Variants in FOXO1 observed in about 807,000 individuals in gnomAD.
The protein encoded by FOXO1 is forkhead box protein O1.
FOXO1 carries 6 observed loss-of-function variants against 44.1 expected under a neutral mutation model. The observed-to-expected ratio is 0.14, with a 90% CI of 0.07 to 0.27. The LOEUF is 0.27. Ranked by LOEUF, FOXO1 falls within the 10% of genes least tolerant of loss-of-function variation. The probability of loss-of-function intolerance (pLI) is 1.00; values close to 1 mark genes in which losing one functional copy is unlikely to be tolerated. For synonymous variants in FOXO1, 380 were observed against 362.7 expected (o/e 1.05, Z -0.54); for missense variants, 737 against 888.8 (o/e 0.83, Z 2.17).
chr13:40,616,257 G>C (rs1022755255), intron 1 of FOXO1, among the ~76,000 whole-genome samples: 1 of 151,982 alleles, frequency 6.6e-6, no homozygotes, highest in African/African-American at 2.4e-5. Context: ...GGGAATGATA[G>C]TAAGGAGGAT....
intron 1 of FOXO1, among the ~76,000 whole-genome samples, chr13:40,648,262 T>C (rs964211057): frequency 1.1e-4 from 16 of 152,140 alleles, no homozygotes; most frequent in Non-Finnish European, 1.9e-4. Context: ...AACACTCCCT[T>C]CCTCAGGTCA....
intron 1 of FOXO1, among the ~76,000 whole-genome samples, chr13:40,592,758 A>C (rs1875431209): frequency 6.6e-6 from 1 of 152,172 alleles, no homozygotes; most frequent in Non-Finnish European, 1.5e-5. Flanking sequence ...CAATAATCCC[A>C]ATCCCTATTT....
chr13:40,603,096 G>A (rs144237177), intron 1 of FOXO1, among the ~76,000 whole-genome samples: 40 of 152,278 alleles, frequency 2.6e-4, no homozygotes, highest in African/African-American at 9.1e-4. Context: ...TCAGGGGGCT[G>A]CCAATGGTCC....
At chr13:40,606,351 C>T (rs1204064036) in intron 1 of FOXO1, among the ~76,000 whole-genome samples, 1 of 152,004 alleles carries the variant, frequency 6.6e-6, no homozygotes, top group Non-Finnish European at 1.5e-5. Flanking sequence ...ACTCTGTCAC[C>T]CAGGCTGGAG....
intron 1 of FOXO1, chr13:40,620,342 G>A: frequency 2.6e-6 from 2 of 765,510 alleles, no homozygotes; most frequent in South Asian, 1.5e-5. Context: ...GCAATAGTGG[G>A]GGCTTCTGCC....
intron 1 of FOXO1, among the ~76,000 whole-genome samples, chr13:40,565,693 T>G (rs1874241537): frequency 6.6e-6 from 1 of 152,226 alleles, no homozygotes; most frequent in African/African-American, 2.4e-5. Flanking sequence ...ATTTCCTACA[T>G]TTACAAAGTT....
rs1420616094 is a variant in FOXO1 at position 40,638,980 on chromosome 13, C to A, written c.630+26603G>T. On this transcript the variant is annotated intron_variant, in intron 1 of 2. Coordinates refer to ENST00000379561, the MANE Select transcript of FOXO1 (RefSeq NM_002015.4). ...AGGCCAATGCGGGTGGATCACCTGACGTCAGGAGTTCGAGACCAGCCTGAC... is the reference window on the plus strand; with the variant it reads ...AGGCCAATGCGGGTGGATCACCTGAAGTCAGGAGTTCGAGACCAGCCTGAC... 7.2e-5 allele frequency among the ~76,000 whole-genome samples: 11 copies of A among 152,080 alleles called. No homozygotes were observed. The East Asian group carries it at 2.1e-3, about 29-fold the overall frequency.
At chr13:40,651,928 A>T (rs981031200) in intron 1 of FOXO1, among the ~76,000 whole-genome samples, 2 of 152,152 alleles carry the variant, frequency 1.3e-5, no homozygotes. Context: ...GGGAGAGACC[A>T]ATTCAGTCAT....
At chr13:40,663,109 T>A (rs1355306456) in intron 1 of FOXO1, among the ~76,000 whole-genome samples, 1 of 152,232 alleles carries the variant, frequency 6.6e-6, no homozygotes, top group Non-Finnish European at 1.5e-5. Context: ...AAAGGCAGCC[T>A]ACTCCAAAGC....
chr13:40,575,660 C>G (rs1315895274), intron 1 of FOXO1, among the ~76,000 whole-genome samples: 1 of 151,988 alleles, frequency 6.6e-6, no homozygotes, highest in African/African-American at 2.4e-5. Flanking sequence ...AAATCAATAC[C>G]GATCAATGTA....
At chr13:40,610,984 C>T in intron 1 of FOXO1, 1 of 450,860 alleles carries the variant, frequency 2.2e-6, no homozygotes, top group Non-Finnish European at 4.4e-6. Flanking sequence ...TATCTATACA[C>T]ATACATCTAC....
At chr13:40,664,392 A>AAGCCTCCCCGGAGCCGAGGGCCCCCGGGC (rs2137948356) in intron 1 of FOXO1, among the ~76,000 whole-genome samples, 1 of 151,806 alleles carries the variant, frequency 6.6e-6, no homozygotes. Flanking sequence ...CGCCCCCGGG[A>AAGCCTCCCCGGAGCCGAGGGCCCCCGGGC]AGCCTCCCCG....
chr13:40,575,212 A>G (rs1057007406), intron 1 of FOXO1, among the ~76,000 whole-genome samples: 8 of 152,044 alleles, frequency 5.3e-5, no homozygotes, highest in Non-Finnish European at 7.4e-5. Flanking sequence ...GTGGTGTTGC[A>G]CATTTGTAGT....
At chr13:40,563,721 G>A (rs1874143799) in intron 1 of FOXO1, among the ~76,000 whole-genome samples, 1 of 152,034 alleles carries the variant, frequency 6.6e-6, no homozygotes, top group African/African-American at 2.4e-5. Context: ...CCATCCTATT[G>A]CATTCCCCTA....
At chr13:40,623,819 A>G (rs1462055454) in intron 1 of FOXO1, among the ~76,000 whole-genome samples, 2 of 152,014 alleles carry the variant, frequency 1.3e-5, no homozygotes, top group Non-Finnish European at 2.9e-5. Flanking sequence ...GAAGTTCCCC[A>G]GGCCAGGCAT....
intron 1 of FOXO1, among the ~76,000 whole-genome samples, chr13:40,664,261 G>A (rs1277517351): frequency 6.6e-6 from 1 of 152,210 alleles, no homozygotes; most frequent in East Asian, 1.9e-4. Context: ...GACAGAGCGA[G>A]ACTCCGTCTC....
chr13:40,659,476 T>A (rs1478954725), intron 1 of FOXO1, among the ~76,000 whole-genome samples: 2 of 151,674 alleles, frequency 1.3e-5, no homozygotes, highest in Admixed American at 6.6e-5. Flanking sequence ...TTTTTTTTTT[T>A]CCTGTAATGA....
Position 40,665,976 on chromosome 13 carries a change from C to G in FOXO1, c.237G>C (p.Glu79Asp), listed in dbSNP as rs1480728577. 7.3e-6 allele frequency: 9 copies of G among 1,236,936 alleles called. No individual in the cohort carries two copies. Among genetic ancestry groups the G allele is most frequent in the Non-Finnish European group, 9.1e-6 (9 of 993,184 alleles). 76.6% of individuals were successfully genotyped at this position (1,236,936 alleles called of 1,614,324 possible). Residue 79 changes from glutamate (E) to aspartate (D), a missense_variant, in exon 1 of 3, where the codon GAG becomes GAC. Physicochemically the swap from Glu to Asp is conservative, Grantham distance 45. Around this residue, in one of 7 missense-constraint regions of FOXO1, gnomAD observed 213 missense variants for 236.4 expected, o/e 0.90. Coordinates refer to ENST00000379561, the MANE Select transcript of FOXO1 (RefSeq NM_002015.4). Reference protein sequence around the residue: ...DFMSNLSLLEESEDFPQAPGS... With the variant: ...DFMSNLSLLEDSEDFPQAPGS... The stretch of plus-strand genomic sequence containing the variant: ...CGGGCGCCTGCGGGAAGTCCTCGCT[C>G]TCCTCCAGCAAGCTCAGGTTGCTCA...
At chr13:40,650,736 C>CT in intron 1 of FOXO1, among the ~76,000 whole-genome samples, 1 of 152,064 alleles carries the variant, frequency 6.6e-6, no homozygotes. Flanking sequence ...TCTTGTTTAG[C>CT]TTTGGTTTTT....
Sources: gnomAD v4.1 joint callset for allele counts (sites outside exome capture counted in the v4.1 genomes callset) on GRCh38, gnomAD v4.1.1 for gene constraint, gnomAD v4.1.1 regional missense constraint, MANE v1.5 for transcripts, NCBI Gene and HGNC (gene_info 2026-07-23, HGNC 2026-07-21) for gene names.